Variants in GPC5 observed in about 807,000 individuals in gnomAD.
GPC5 encodes the protein glypican-5.
Under a neutral mutation model 53.9 loss-of-function variants are expected in GPC5, and 47 were observed. That is an observed-to-expected ratio of 0.87 (90% confidence interval 0.69 to 1.11). The LOEUF is 1.11. Among genes scored for constraint, GPC5 ranks in the 50% most tolerant of loss-of-function variants. GPC5 has a pLI of 0.00. For missense variants in GPC5, 748 were observed against 713.1 expected (o/e 1.05, Z -0.56); for synonymous variants, 286 against 263.3 (o/e 1.09, Z -0.84).
At chr13:92,698,678 C>T (rs556518754) in intron 7 of GPC5, among the ~76,000 whole-genome samples, 1 of 152,242 alleles carries the variant, frequency 6.6e-6, no homozygotes, top group South Asian at 2.1e-4. Context: ...TGGGTTTATA[C>T]CCAGTAATGG....
chr13:92,701,327 A>T (rs1487868730), intron 7 of GPC5: 1 of 152,162 alleles, frequency 6.6e-6, no homozygotes, highest in East Asian at 1.9e-4. Context: ...CACCAGACCA[A>T]CATTAAAATT....
chr13:91,519,899 C>G (rs749441212), intron 2 of GPC5, among the ~76,000 whole-genome samples: 3 of 150,162 alleles, frequency 2.0e-5, no homozygotes, highest in Non-Finnish European at 4.4e-5. Context: ...AAAAATAGTT[C>G]CAAGGAAAAA....
intron 6 of GPC5, among the ~76,000 whole-genome samples, chr13:91,971,624 C>T (rs1431034768): frequency 6.6e-6 from 1 of 152,070 alleles, no homozygotes; most frequent in East Asian, 1.9e-4. Context: ...TTTCCCTCTA[C>T]ACACTGCTTT....
chr13:92,121,006 AAC>A (rs2041644624), intron 6 of GPC5, among the ~76,000 whole-genome samples: 1 of 152,228 alleles, frequency 6.6e-6, no homozygotes, highest in Non-Finnish European at 1.5e-5. Context: ...TCTTCAATTG[AAC>A]ACAGTTACTG....
intron 7 of GPC5, among the ~76,000 whole-genome samples, chr13:92,752,248 A>T (rs1317677625): frequency 6.6e-6 from 1 of 152,068 alleles, no homozygotes; most frequent in African/African-American, 2.4e-5. Context: ...TGTCATCCAC[A>T]CTGCTTCTCC....
intron 7 of GPC5, among the ~76,000 whole-genome samples, chr13:92,266,884 ATTT>A (rs34404463): frequency 6.7e-6 from 1 of 149,054 alleles, no homozygotes; most frequent in African/African-American, 2.5e-5. Context: ...GAAAAACACA[ATTT>A]TTTTTTTTTG....
At chr13:92,644,787 G>C (rs1257540685) in intron 7 of GPC5, among the ~76,000 whole-genome samples, 1 of 151,868 alleles carries the variant, frequency 6.6e-6, no homozygotes, top group Admixed American at 6.6e-5. Flanking sequence ...AATGCTTTCT[G>C]TTACAATTAA....
At chr13:91,651,721 A>G (rs951347186) in intron 2 of GPC5, among the ~76,000 whole-genome samples, 2 of 151,300 alleles carry the variant, frequency 1.3e-5, no homozygotes, top group African/African-American at 4.8e-5. Context: ...TCAGTCTCAA[A>G]AAAAAAAAAA....
intron 7 of GPC5, among the ~76,000 whole-genome samples, chr13:92,238,230 G>A (rs1008542709): frequency 6.6e-6 from 1 of 151,678 alleles, no homozygotes; most frequent in Non-Finnish European, 1.5e-5. Context: ...CCTTTTGAGA[G>A]GTTTAACCTT....
chr13:92,141,558 C>T (rs1244953048), intron 6 of GPC5, among the ~76,000 whole-genome samples: 4 of 152,142 alleles, frequency 2.6e-5, no homozygotes, highest in Non-Finnish European at 5.9e-5. Flanking sequence ...AACACAATTG[C>T]CAAGCAGTAA....
At chr13:92,695,768 G>A (rs889389817) in intron 7 of GPC5, among the ~76,000 whole-genome samples, 3 of 151,538 alleles carry the variant, frequency 2.0e-5, no homozygotes, top group African/African-American at 7.3e-5. Flanking sequence ...TTGTTACATA[G>A]GTATACATGT....
chr13:92,172,275 G>C (rs192751364), intron 7 of GPC5, among the ~76,000 whole-genome samples: 6 of 152,240 alleles, frequency 3.9e-5, no homozygotes, highest in Admixed American at 3.9e-4. Flanking sequence ...GTTGGGTTGT[G>C]CAGTTGACCC....
intron 2 of GPC5, among the ~76,000 whole-genome samples, chr13:91,523,231 C>T (rs190348682): frequency 1.3e-5 from 2 of 152,228 alleles, no homozygotes; most frequent in African/African-American, 4.8e-5. Flanking sequence ...TCCAGCAATC[C>T]AGCTGCTGGG....
chr13:91,838,030 A>G (rs2038741785), intron 5 of GPC5, among the ~76,000 whole-genome samples: 1 of 152,192 alleles, frequency 6.6e-6, no homozygotes, highest in Non-Finnish European at 1.5e-5. Context: ...GATAGAATGC[A>G]TTCAACAGTC....
At chr13:92,730,049 T>C (rs2139297932) in intron 7 of GPC5, among the ~76,000 whole-genome samples, 1 of 151,520 alleles carries the variant, frequency 6.6e-6, no homozygotes, top group African/African-American at 2.4e-5. Flanking sequence ...TTAGTGTTCT[T>C]TCTGACTCAT....
At chr13:92,116,276 A>AC (rs2041600862) in intron 6 of GPC5, among the ~76,000 whole-genome samples, 1 of 56,650 alleles carries the variant, frequency 1.8e-5, no homozygotes, top group African/African-American at 4.7e-5. Context: ...CAAACAAAAA[A>AC]AAAAAAACAG....
chr13:91,930,731 C>T (rs1055077120), intron 6 of GPC5, among the ~76,000 whole-genome samples: 3 of 152,138 alleles, frequency 2.0e-5, no homozygotes, highest in Admixed American at 6.6e-5. Context: ...GTCTTCTTTT[C>T]CCCAAACTAA....
chr13:91,802,610 C>T (rs1252155074), intron 5 of GPC5, among the ~76,000 whole-genome samples: 1 of 152,080 alleles, frequency 6.6e-6, no homozygotes, highest in African/African-American at 2.4e-5. Flanking sequence ...CTGATTGGTC[C>T]ATCTACAAAC....
At chr13:92,118,383 G>T (rs555844761) in intron 6 of GPC5, among the ~76,000 whole-genome samples, 12 of 151,928 alleles carry the variant, frequency 7.9e-5, no homozygotes, top group Admixed American at 2.6e-4. Flanking sequence ...AAGGGATATC[G>T]GTTTATACTT....
Sources: gnomAD v4.1 joint callset for allele counts (sites outside exome capture counted in the v4.1 genomes callset) on GRCh38, gnomAD v4.1.1 for gene constraint, MANE v1.5 for transcripts, NCBI Gene and HGNC (gene_info 2026-07-23, HGNC 2026-07-21) for gene names.